KIAA1217: variants seen among roughly 807,000 people sequenced by gnomAD.
The protein encoded by KIAA1217 is KIAA1217.
KIAA1217 carries 88 observed loss-of-function variants against 163.9 expected under a neutral mutation model. The ratio of observed to expected loss-of-function variants is 0.54; its 90% CI spans 0.45 to 0.64. The LOEUF (loss-of-function observed/expected upper bound fraction) is 0.64. Among genes scored for constraint, KIAA1217 ranks in the 30% least tolerant of loss-of-function variants. KIAA1217 has a pLI of 0.00. For synonymous variants in KIAA1217, 903 were observed against 923.1 expected (o/e 0.98, Z 0.39); for missense variants, 2,372 against 2,475.0 (o/e 0.96, Z 0.88).
intron 8 of KIAA1217, among the ~76,000 whole-genome samples, chr10:24,497,701 C>T (rs1234413750): frequency 6.9e-6 from 1 of 144,384 alleles, no homozygotes; most frequent in Non-Finnish European, 1.5e-5. Flanking sequence ...GCCTGAGTGA[C>T]AGAGCAAGAC....
intron 2 of KIAA1217, among the ~76,000 whole-genome samples, chr10:24,074,384 A>C (rs917192290): frequency 7.9e-5 from 12 of 152,042 alleles, no homozygotes; most frequent in Non-Finnish European, 1.2e-4. Context: ...CCAACAACAA[A>C]AAAAAACACC....
chr10:23,830,983 A>G (rs1838164817), intron 1 of KIAA1217, among the ~76,000 whole-genome samples: 1 of 152,154 alleles, frequency 6.6e-6, no homozygotes, highest in East Asian at 1.9e-4. Context: ...CAGTAAAGGA[A>G]AGGATTCGGG....
At chr10:24,030,195 A>G (rs960332345) in intron 2 of KIAA1217, among the ~76,000 whole-genome samples, 1 of 152,178 alleles carries the variant, frequency 6.6e-6, no homozygotes, top group Admixed American at 6.5e-5. Context: ...GTGCAGTTCT[A>G]TGGCATTATG....
intron 5 of KIAA1217, among the ~76,000 whole-genome samples, chr10:24,455,026 A>G (rs2061661466): frequency 6.6e-6 from 1 of 151,820 alleles, no homozygotes; most frequent in Admixed American, 6.6e-5. Context: ...TTTTCATGAA[A>G]ATGAGAAATG....
At chr10:24,229,850 C>A (rs768491252) in intron 2 of KIAA1217, among the ~76,000 whole-genome samples, 1 of 152,010 alleles carries the variant, frequency 6.6e-6, no homozygotes, top group Non-Finnish European at 1.5e-5. Flanking sequence ...GAGGAAAGGA[C>A]ATAAATTTTT....
chr10:23,942,382 A>G (rs1843813435), intron 1 of KIAA1217, among the ~76,000 whole-genome samples: 1 of 152,258 alleles, frequency 6.6e-6, no homozygotes, highest in East Asian at 1.9e-4. Flanking sequence ...TAGAAATTTT[A>G]AAAGTGAAAA....
rs79937521 is a variant in KIAA1217, at chr10:23,904,576, C to T, written c.-320-102649C>T. 8.7e-3 allele frequency among the ~76,000 whole-genome samples: 1,320 copies of T among 152,242 alleles called. 23 individuals are homozygous for T. Among genetic ancestry groups the T allele is most frequent in the African/African-American group, 0.03 (1,267 of 41,572 alleles). ...CCACATCAAGGTGAGCTATCAGAGT[C>T]ATGGCAGCAGGGGAAAGAGAGCAGG... is the stretch of plus-strand genomic sequence containing the variant. On this transcript the variant is annotated intron_variant, in intron 1 of 18. Coordinates refer to the KIAA1217 transcript ENST00000376462.
intron 1 of KIAA1217, among the ~76,000 whole-genome samples, chr10:23,746,380 C>A (rs1270132006): frequency 6.6e-6 from 1 of 152,078 alleles, no homozygotes; most frequent in Non-Finnish European, 1.5e-5. Flanking sequence ...AAATTAACCC[C>A]TTTTCTTTAT....
At chr10:23,990,761 C>T (rs1162316997) in intron 1 of KIAA1217, among the ~76,000 whole-genome samples, 1 of 152,066 alleles carries the variant, frequency 6.6e-6, no homozygotes, top group Non-Finnish European at 1.5e-5. Flanking sequence ...TTTTAAATTG[C>T]TGCACTATGA....
chr10:24,392,945 T>A (rs1479398400), intron 3 of KIAA1217, among the ~76,000 whole-genome samples: 2 of 152,246 alleles, frequency 1.3e-5, no homozygotes, highest in Non-Finnish European at 2.9e-5. Context: ...ATTATTTTTT[T>A]TTAATTAAAA....
chr10:23,736,279 A>G (rs1838797979), intron 1 of KIAA1217, among the ~76,000 whole-genome samples: 1 of 152,212 alleles, frequency 6.6e-6, no homozygotes, highest in South Asian at 2.1e-4. Context: ...TGATATGTGC[A>G]GTATGGTGAG....
intron 1 of KIAA1217, among the ~76,000 whole-genome samples, chr10:24,211,684 G>A (rs1257016296): frequency 6.6e-6 from 1 of 151,724 alleles, no homozygotes; most frequent in Non-Finnish European, 1.5e-5. Context: ...ACTGGGTGCT[G>A]TATTGAGCAC....
chr10:24,410,862 A>T (rs2057705786), intron 3 of KIAA1217, among the ~76,000 whole-genome samples: 1 of 152,186 alleles, frequency 6.6e-6, no homozygotes, highest in Non-Finnish European at 1.5e-5. Context: ...GGCAAATTGT[A>T]ACTCTTTTTC....
intron 2 of KIAA1217, among the ~76,000 whole-genome samples, chr10:24,024,720 C>T (rs969926741): frequency 1.3e-5 from 2 of 151,604 alleles, no homozygotes; most frequent in African/African-American, 2.4e-5. Context: ...ACATTCTCAC[C>T]ATAATTTGGT....
chr10:24,520,651 A>AATATATATATATATATAT (rs71472811), intron 11 of KIAA1217, among the ~76,000 whole-genome samples: 3 of 39,656 alleles, frequency 7.6e-5, no homozygotes, highest in East Asian at 1.3e-3. Context: ...AAAAAAAAAA[A>AATATATATATATATATAT]ATATATATAT....
At chr10:24,494,632 A>G in intron 7 of KIAA1217, 28 bp downstream of exon 7, 1 of 1,382,564 alleles carries the variant, frequency 7.2e-7, no homozygotes, top group Non-Finnish European at 1.0e-6. Context: ...CAATGAAAAA[A>G]ATAATTCAAT....
intron 1 of KIAA1217, among the ~76,000 whole-genome samples, chr10:23,907,310 G>A (rs1345523876): frequency 2.6e-5 from 4 of 151,886 alleles, no homozygotes; most frequent in African/African-American, 9.7e-5. Context: ...GTGTGTGTGT[G>A]TGTGTGTGTA....
chr10:23,804,778 T>C (rs1836657574), intron 1 of KIAA1217, among the ~76,000 whole-genome samples: 1 of 152,152 alleles, frequency 6.6e-6, no homozygotes. Context: ...TCCGAGACAA[T>C]AGATCAGACT....
chr10:24,417,088 T>C (rs1294694372), intron 3 of KIAA1217, among the ~76,000 whole-genome samples: 1 of 152,150 alleles, frequency 6.6e-6, no homozygotes, highest in East Asian at 1.9e-4. Flanking sequence ...TCAGGTCACG[T>C]AAGAGATACA....
Sources: gnomAD v4.1 joint callset for allele counts (sites outside exome capture counted in the v4.1 genomes callset) on GRCh38, gnomAD v4.1.1 for gene constraint, MANE v1.5 for transcripts, NCBI Gene and HGNC (gene_info 2026-07-23, HGNC 2026-07-21) for gene names.